Variants in MAN1A1 observed in about 807,000 individuals in gnomAD.
The protein encoded by MAN1A1 is mannosidase alpha class 1A member 1, also known as mannosyl-oligosaccharide 1,2-alpha-mannosidase IA.
MAN1A1 carries 29 observed loss-of-function variants against 70.8 expected under a neutral mutation model. The observed-to-expected ratio is 0.41, with a 90% CI of 0.31 to 0.56. The LOEUF (loss-of-function observed/expected upper bound fraction) is 0.56, where lower values mean the gene tolerates loss of function less well. MAN1A1 is among the 20% of genes least tolerant of loss of function. The pLI is 0.29. For synonymous variants in MAN1A1, 349 were observed against 330.1 expected (o/e 1.06, Z -0.62); for missense variants, 747 against 841.3 (o/e 0.89, Z 1.39).
chr6:119,294,352 T>TAC (rs1265134448), intron 4 of MAN1A1, among the ~76,000 whole-genome samples: 1 of 152,066 alleles, frequency 6.6e-6, no homozygotes, highest in African/African-American at 2.4e-5. Flanking sequence ...TCTACCGACT[T>TAC]ACCCTAATGA....
At chr6:119,232,215 T>C (rs1464653165) in intron 6 of MAN1A1, among the ~76,000 whole-genome samples, 2 of 151,050 alleles carry the variant, frequency 1.3e-5, no homozygotes, top group East Asian at 3.9e-4. Context: ...TACTAAAAAA[T>C]GCAAAAAATT....
At chr6:119,339,878 A>T (rs1773556513) in intron 2 of MAN1A1, among the ~76,000 whole-genome samples, 1 of 152,070 alleles carries the variant, frequency 6.6e-6, no homozygotes, top group Admixed American at 6.6e-5. Flanking sequence ...ATCACTTGAG[A>T]TCAGGAATTT....
rs1773049858 is a variant in MAN1A1 at position 119,178,045 on chromosome 6, T to A, written c.*1774A>T. On this transcript the variant is annotated 3_prime_UTR_variant, in exon 13 of 13. Transcript: ENST00000368468. ...AAGATATGAGTGGGAGAAGTTATTC[T>A]GGATCACAGACACACATTAGCATGG... The A allele has an allele frequency of 6.6e-6, 1 of 152,124 alleles. No individual in the cohort carries two copies. Among genetic ancestry groups the A allele is most frequent in the African/African-American group, 2.4e-5 (1 of 41,460 alleles). The allele number at this position is 152,124 out of a possible 1,614,324, so 9.4% of individuals were successfully genotyped here.
intron 2 of MAN1A1, among the ~76,000 whole-genome samples, chr6:119,347,213 TA>T (rs1773753276): frequency 6.6e-6 from 1 of 152,188 alleles, no homozygotes; most frequent in African/African-American, 2.4e-5. Flanking sequence ...GCTGATCTTA[TA>T]ATACAAAGTC....
chr6:119,260,153 T>C (rs1775568731), intron 5 of MAN1A1, among the ~76,000 whole-genome samples: 1 of 152,228 alleles, frequency 6.6e-6, no homozygotes, highest in African/African-American at 2.4e-5. Flanking sequence ...TCACATACTC[T>C]GTCTCACGTT....
chr6:119,220,774 T>TAAGG (rs1344188089), intron 6 of MAN1A1, among the ~76,000 whole-genome samples: 2 of 152,168 alleles, frequency 1.3e-5, no homozygotes, highest in Non-Finnish European at 2.9e-5. Flanking sequence ...ATTTTTCATA[T>TAAGG]AAATACTTCT....
intron 5 of MAN1A1, among the ~76,000 whole-genome samples, chr6:119,281,912 A>T (rs56229370): frequency 0.38 from 57,060 of 151,258 alleles, 11,220 homozygotes; most frequent in Non-Finnish European, 0.41. Flanking sequence ...AAAAAAAAAA[A>T]TTAGCCGGGC....
At chr6:119,343,621 G>C (rs1773653832) in intron 2 of MAN1A1, among the ~76,000 whole-genome samples, 1 of 152,138 alleles carries the variant, frequency 6.6e-6, no homozygotes. Context: ...TAAGAATACT[G>C]AGGGAAAAGT....
chr6:119,211,712 CAG>C (rs1220717673), intron 6 of MAN1A1, among the ~76,000 whole-genome samples: 1 of 152,074 alleles, frequency 6.6e-6, no homozygotes, highest in Non-Finnish European at 1.5e-5. Flanking sequence ...AAAATAACAA[CAG>C]GGTGGTAACT....
Position 119,188,560 on chromosome 6 carries a change from C to G in MAN1A1, c.1564G>C (p.Glu522Gln). The change falls in exon 11 of 13, where the codon GAA becomes CAA. Residue 522 changes from glutamate to glutamine, a missense_variant. Around this residue, in one of 2 missense-constraint regions of MAN1A1, gnomAD observed 419 missense variants for 548.2 expected, o/e 0.76. Coordinates refer to ENST00000368468, the MANE Select transcript of MAN1A1 (RefSeq NM_005907.4). ...YNRTFMKLGPEAFRFDGGVEA... is the reference protein window; with the variant it reads ...YNRTFMKLGPQAFRFDGGVEA... ...ACACCACCATCAAATCTGAAAGCTTCTGGTCCCAGTTTCATAACTAAAGGA... is the reference window on the plus strand; with the variant it reads ...ACACCACCATCAAATCTGAAAGCTTGTGGTCCCAGTTTCATAACTAAAGGA... 1 of 1,613,248 alleles carries G rather than the reference C, an allele frequency of 6.2e-7. No individual in the cohort carries two copies. The highest frequency in any genetic ancestry group is 8.5e-7 in the Non-Finnish European group (1 of 1,179,712).
intron 2 of MAN1A1, among the ~76,000 whole-genome samples, chr6:119,344,529 C>A (rs1229280165): frequency 1.3e-5 from 2 of 152,176 alleles, no homozygotes; most frequent in African/African-American, 2.4e-5. Context: ...GAATGTGTCA[C>A]GGCACAGTGG....
chr6:119,290,788 T>C lies in MAN1A1; in HGVS notation c.817-25A>G, dbSNP rs368370144. On this transcript the variant is annotated intron_variant, in intron 4 of 12. Coordinates refer to ENST00000368468, the MANE Select transcript of MAN1A1 (RefSeq NM_005907.4). ...TCTATGGAAAAAAAAAATTCAAACATGATGATAGTACACAATTCAGAAAAC... is the reference window on the plus strand; with the variant it reads ...TCTATGGAAAAAAAAAATTCAAACACGATGATAGTACACAATTCAGAAAAC... 470 of 1,400,286 alleles carry C rather than the reference T, an allele frequency of 3.4e-4. 3 individuals carry two copies. The highest frequency in any genetic ancestry group is 4.4e-4 in the Admixed American group (26 of 58,726). The allele number at this position is 1,400,286 out of a possible 1,614,324, so 86.7% of individuals were successfully genotyped here. A position where few individuals can be genotyped will look rare whatever the true frequency, so the allele number is the denominator to read the frequency against.
At chr6:119,261,310 C>A (rs186091592) in intron 5 of MAN1A1, among the ~76,000 whole-genome samples, 1 of 152,244 alleles carries the variant, frequency 6.6e-6, no homozygotes, top group Admixed American at 6.5e-5. Flanking sequence ...CACACACGCA[C>A]ATATTTCAAC....
intron 7 of MAN1A1, among the ~76,000 whole-genome samples, chr6:119,203,392 G>T (rs1258966291): frequency 1.3e-5 from 2 of 152,118 alleles, no homozygotes; most frequent in African/African-American, 4.8e-5. Context: ...CAGCAGGTTT[G>T]CAATGCTACT....
intron 2 of MAN1A1, among the ~76,000 whole-genome samples, chr6:119,329,457 C>G (rs195066): frequency 1.4e-4 from 14 of 98,964 alleles, no homozygotes; most frequent in African/African-American, 6.4e-4. Flanking sequence ...AATAAATATC[C>G]CCCCCCCACC....
At chr6:119,350,465 A>C, upstream of MAN1A1, 4 of 937,298 alleles carry the variant, frequency 4.3e-6, no homozygotes, top group Non-Finnish European at 3.8e-6. Context: ...CCCCCAAAAA[A>C]CAAAAAACCG....
intron 2 of MAN1A1, among the ~76,000 whole-genome samples, chr6:119,332,755 A>G (rs1337099258): frequency 6.7e-6 from 1 of 149,400 alleles, no homozygotes; most frequent in Non-Finnish European, 1.5e-5. Flanking sequence ...ACTGCACTCC[A>G]GCCTGGGCGA....
chr6:119,292,010 AC>A (rs1261992444), intron 4 of MAN1A1, among the ~76,000 whole-genome samples: 2 of 152,030 alleles, frequency 1.3e-5, no homozygotes, highest in African/African-American at 4.8e-5. Context: ...AGTTCAGACA[AC>A]TAATAATTGG....
intron 8 of MAN1A1, among the ~76,000 whole-genome samples, chr6:119,194,471 G>T (rs1237604639): frequency 6.6e-6 from 1 of 151,948 alleles, no homozygotes; most frequent in African/African-American, 2.4e-5. Context: ...CTACAGGCAC[G>T]CATCACCACG....
Sources: gnomAD v4.1 joint callset for allele counts (sites outside exome capture counted in the v4.1 genomes callset) on GRCh38, gnomAD v4.1.1 for gene constraint, gnomAD v4.1.1 regional missense constraint, MANE v1.5 for transcripts, NCBI Gene and HGNC (gene_info 2026-07-23, HGNC 2026-07-21) for gene names.